Variants in DTWD2 observed in about 807,000 individuals in gnomAD.
The protein encoded by DTWD2 is DTW motif tRNA-uridine aminocarboxypropyltransferase 2.
In DTWD2, 39 loss-of-function variants were observed where a neutral mutation model predicts 31.8. That is an observed-to-expected ratio of 1.22 (90% CI 0.95 to 1.60). The LOEUF (loss-of-function observed/expected upper bound fraction) is 1.60, where lower values mean the gene tolerates loss of function less well. Among genes scored for constraint, DTWD2 ranks in the 40% most tolerant of loss-of-function variants. The pLI is 0.00. For synonymous variants in DTWD2, 180 were observed against 142.8 expected (o/e 1.26, Z -1.86); for missense variants, 515 against 381.5 (o/e 1.35, Z -2.92).
chr5:118,848,657 G>C (rs1751923818), intron 4 of DTWD2, among the ~76,000 whole-genome samples: 1 of 152,138 alleles, frequency 6.6e-6, no homozygotes, highest in Non-Finnish European at 1.5e-5. Context: ...AAAATAGCAA[G>C]GTACTGGTAC....
intron 4 of DTWD2, among the ~76,000 whole-genome samples, chr5:118,895,533 CA>C (rs1184599891): frequency 6.6e-6 from 1 of 152,094 alleles, no homozygotes; most frequent in Admixed American, 6.6e-5. Flanking sequence ...TATGGAACCA[CA>C]AAAGATGGTG....
chr5:118,882,223 CTCCAAAATA>C (rs913640823), intron 4 of DTWD2, among the ~76,000 whole-genome samples: 2 of 152,196 alleles, frequency 1.3e-5, no homozygotes, highest in Admixed American at 6.5e-5. Context: ...AATCTTAAAG[CTCCAAAATA>C]TCCTTTGACT....
At chr5:118,947,377 A>T (rs1754362838) in intron 1 of DTWD2, among the ~76,000 whole-genome samples, 1 of 152,166 alleles carries the variant, frequency 6.6e-6, no homozygotes. Context: ...AAGTGGCTCT[A>T]AGCGGGAAGG....
intron 4 of DTWD2, among the ~76,000 whole-genome samples, chr5:118,913,161 G>C (rs1753496769): frequency 6.6e-6 from 1 of 151,910 alleles, no homozygotes; most frequent in African/African-American, 2.4e-5. Flanking sequence ...TGCCACCTCA[G>C]GTATAAATGG....
chr5:118,837,562 A>T lies in DTWD2; in HGVS notation c.*3355T>A, dbSNP rs1580756241. 1 of 152,182 alleles carries T rather than the reference A, an allele frequency of 6.6e-6. No individual in the cohort carries two copies. Among genetic ancestry groups the T allele is most frequent in the African/African-American group, 2.4e-5 (1 of 41,448 alleles). 9.4% of individuals were successfully genotyped at this position (152,182 alleles called of 1,614,324 possible). On this transcript the variant is annotated 3_prime_UTR_variant, in exon 6 of 6. Coordinates refer to ENST00000510708, the MANE Select transcript of DTWD2 (RefSeq NM_173666.4). ...TCAATGGAAAGGATTTTCTAATAAC[A>T]TGATCACATTTTTAAACCTATTTAG...
intron 4 of DTWD2, among the ~76,000 whole-genome samples, chr5:118,918,414 C>T (rs1753627604): frequency 6.6e-6 from 1 of 150,978 alleles, no homozygotes; most frequent in African/African-American, 2.4e-5. Flanking sequence ...GCAAGCTCCG[C>T]CTCCTGGTGA....
intron 4 of DTWD2, among the ~76,000 whole-genome samples, chr5:118,879,997 C>T (rs971847598): frequency 5.9e-5 from 9 of 152,170 alleles, no homozygotes; most frequent in Admixed American, 5.9e-4. Context: ...CTGCAAAGCG[C>T]GATAGAGTGA....
At chr5:118,980,384 C>T (rs892212177) in intron 1 of DTWD2, among the ~76,000 whole-genome samples, 1 of 152,222 alleles carries the variant, frequency 6.6e-6, no homozygotes, top group Non-Finnish European at 1.5e-5. Context: ...CTCATACTCC[C>T]TGTTGTGCCT....
chr5:118,987,879 G>A (rs1381326895), intron 1 of DTWD2, among the ~76,000 whole-genome samples: 1 of 152,140 alleles, frequency 6.6e-6, no homozygotes. Flanking sequence ...TTAGAGTTCT[G>A]GTAGGATAGG....
At chr5:118,972,628 A>G (rs1422443565) in intron 1 of DTWD2, among the ~76,000 whole-genome samples, 2 of 152,226 alleles carry the variant, frequency 1.3e-5, no homozygotes, top group African/African-American at 4.8e-5. Context: ...CATTTTATGA[A>G]GCCAGCATCA....
At chr5:118,866,907 ACT>A (rs1297711637) in intron 4 of DTWD2, among the ~76,000 whole-genome samples, 1 of 151,724 alleles carries the variant, frequency 6.6e-6, no homozygotes, top group Non-Finnish European at 1.5e-5. Context: ...ACAGAGTGAG[ACT>A]CTGTCTCAAA....
rs141082214 is a variant in DTWD2 at position 118,929,089 on chromosome 5, C to T, written c.405-360G>A. Among the ~76,000 whole-genome samples, 8 of 152,344 alleles carry T rather than the reference C, an allele frequency of 5.3e-5. No homozygotes were observed. The East Asian group carries it at 1.5e-3, about 29-fold the overall frequency. ...ACTTTATCAAAGTAAACAACTGGCA[C>T]TGCCTAACAATCCTAGCACAAACAA... On this transcript the variant is annotated intron_variant, in intron 3 of 5. Transcript: ENST00000510708.
intron 1 of DTWD2, among the ~76,000 whole-genome samples, chr5:118,962,446 C>T (rs182149335): frequency 1.3e-5 from 2 of 152,158 alleles, no homozygotes; most frequent in East Asian, 3.9e-4. Context: ...TGACAAAATT[C>T]CCATCACGAG....
intron 1 of DTWD2, among the ~76,000 whole-genome samples, chr5:118,969,417 G>A (rs547525798): frequency 9.5e-4 from 144 of 152,306 alleles, no homozygotes; most frequent in Admixed American, 1.6e-3. Flanking sequence ...CCTTCTACAG[G>A]AGCATTCAGG....
At chr5:118,853,262 C>T (rs187638623) in intron 4 of DTWD2, among the ~76,000 whole-genome samples, 9 of 152,106 alleles carry the variant, frequency 5.9e-5, no homozygotes, top group East Asian at 3.9e-4. Flanking sequence ...ATGTTGGCAA[C>T]GCTGCAGAGA....
intron 1 of DTWD2, among the ~76,000 whole-genome samples, chr5:118,967,942 G>T (rs1256022465): frequency 6.6e-6 from 1 of 152,160 alleles, no homozygotes; most frequent in African/African-American, 2.4e-5. Flanking sequence ...AGGAGTAACT[G>T]CATAGTAGAA....
At chr5:118,863,569 T>C (rs1313194972) in intron 4 of DTWD2, among the ~76,000 whole-genome samples, 2 of 152,200 alleles carry the variant, frequency 1.3e-5, no homozygotes, top group East Asian at 3.9e-4. Flanking sequence ...AATGTGTGTG[T>C]CACTTCATAC....
intron 4 of DTWD2, among the ~76,000 whole-genome samples, chr5:118,877,135 T>C (rs948129260): frequency 6.6e-6 from 1 of 152,230 alleles, no homozygotes; most frequent in South Asian, 2.1e-4. Context: ...TCTCAATAGA[T>C]GCAGAAAAGG....
At chr5:118,869,831 A>G (rs1752462297) in intron 4 of DTWD2, among the ~76,000 whole-genome samples, 1 of 152,086 alleles carries the variant, frequency 6.6e-6, no homozygotes, top group Non-Finnish European at 1.5e-5. Context: ...TCCAAATCTC[A>G]TGCTGAAATG....
Sources: gnomAD v4.1 joint callset for allele counts (sites outside exome capture counted in the v4.1 genomes callset) on GRCh38, gnomAD v4.1.1 for gene constraint, MANE v1.5 for transcripts, NCBI Gene and HGNC (gene_info 2026-07-23, HGNC 2026-07-21) for gene names.